Variants in POLN observed in about 807,000 individuals in gnomAD.
POLN encodes DNA polymerase nu.
A neutral mutation model predicts 113.5 loss-of-function variants in POLN; 108 were observed. The ratio of observed to expected loss-of-function variants is 0.95; its 90% confidence interval spans 0.81 to 1.12. POLN has a LOEUF of 1.12. Ranked by LOEUF, POLN falls within the 50% of genes most tolerant of loss-of-function variation. The pLI is 0.00. For synonymous variants in POLN, 386 were observed against 391.5 expected (o/e 0.99, Z 0.17); for missense variants, 1,097 against 1,077.1 (o/e 1.02, Z -0.26).
chr4:2,171,146 A>C lies in POLN; in HGVS notation c.1410T>G (p.Phe470Leu). 1.9e-6 allele frequency: 3 copies of C among 1,613,880 alleles called. No individual in the cohort carries two copies. Among genetic ancestry groups the C allele is most frequent in the Middle Eastern group, 1.7e-4 (1 of 6,060 alleles). ...TTATAAGAAACCGTTCTCCTGCAAC[A>C]AAATGAGCTTCTTGCTCCAATTCCT... ...RLKELEQEAH[F>L]VAGERFLITS... The change falls in exon 12 of 26, where the codon TTT becomes TTG. Residue 470 changes from phenylalanine (F) to leucine (L), a missense_variant. Coordinates refer to ENST00000511885, the MANE Select transcript of POLN (RefSeq NM_181808.4).
chr4:2,176,300 T>C lies in POLN; in HGVS notation c.1214A>G (p.Tyr405Cys), dbSNP rs138721851. The change falls in exon 9 of 26, where the codon TAC (tyrosine) becomes TGC (cysteine). Residue 405 changes from tyrosine (Y) to cysteine (C), a missense_variant. Coordinates refer to ENST00000511885, the MANE Select transcript of POLN (RefSeq NM_181808.4). ...QNVRENLKTL[Y>C]RLTMDLCSKL... ...AGAGCAAAGGTCCATTGTAAGTCTG[T>C]AGAGTGTCTTCAGGTTCTCACGTAC... 4 of 1,601,682 alleles carry C rather than the reference T, an allele frequency of 2.5e-6. No homozygotes were observed. The African/African-American group carries it at 4.0e-5, about 16-fold the overall frequency.
intron 7 of POLN, among the ~76,000 whole-genome samples, chr4:2,192,173 C>T (rs566110787): frequency 2.0e-5 from 3 of 150,738 alleles, no homozygotes; most frequent in Non-Finnish European, 4.4e-5. Flanking sequence ...CTGGGTGATG[C>T]CTACTTTTGT....
chr4:2,213,184 C>A, intron 3 of POLN, 58 bp from the exon 4 acceptor site: 1 of 1,086,946 alleles, frequency 9.2e-7, no homozygotes, highest in South Asian at 1.4e-5. Context: ...ATATCTAAGT[C>A]ACACAGTTAA....
chr4:2,231,336 C>T (rs1734571681), intron 2 of POLN: 2 of 152,318 alleles, frequency 1.3e-5, no homozygotes, highest in African/African-American at 4.8e-5. Flanking sequence ...CGTGGTGGCT[C>T]ATGCCTGTAA....
At chr4:2,147,373 C>T (rs751808330) in intron 16 of POLN, among the ~76,000 whole-genome samples, 3 of 152,090 alleles carry the variant, frequency 2.0e-5, no homozygotes, top group Non-Finnish European at 2.9e-5. Flanking sequence ...AGGAGGCCTT[C>T]GTAAAAAATG....
intron 4 of POLN, 33 bp downstream of exon 4, chr4:2,213,014 T>C: frequency 6.8e-7 from 1 of 1,460,342 alleles, no homozygotes. Context: ...ATAAGTTATC[T>C]ATTTAAAATT....
chr4:2,217,027 G>A (rs933517793), intron 3 of POLN, among the ~76,000 whole-genome samples: 5 of 152,218 alleles, frequency 3.3e-5, no homozygotes, highest in African/African-American at 9.6e-5. Flanking sequence ...GTGGTTTGGT[G>A]TGTCCCCATG....
At position 2,178,982 on chromosome 4, in the gene POLN, C is replaced by T. The variant is rs541374459; in HGVS notation, c.1179+326G>A. Among the ~76,000 whole-genome samples, 5 of 152,256 alleles carry T rather than the reference C, an allele frequency of 3.3e-5. No individual in the cohort carries two copies. In the East Asian group the frequency reaches 9.7e-4, roughly 29 times the overall value. ...AGTAGCCATCCCAGGACCTCTGGCA[C>T]TGTGGCCACGTCACCAGCCCTAAGG... On this transcript the variant is annotated intron_variant, in intron 8 of 25. Coordinates refer to ENST00000511885, the MANE Select transcript of POLN (RefSeq NM_181808.4).
intron 2 of POLN, chr4:2,240,688 A>T (rs772875246): frequency 1.2e-6 from 2 of 1,614,036 alleles, no homozygotes; most frequent in South Asian, 2.2e-5. Flanking sequence ...TTCAAATCAG[A>T]AGTTTTACAC....
intron 13 of POLN, among the ~76,000 whole-genome samples, chr4:2,162,046 G>A (rs1732608257): frequency 1.3e-5 from 2 of 152,180 alleles, no homozygotes; most frequent in African/African-American, 4.8e-5. Context: ...CCAATCAGCA[G>A]GATGTGGATA....
chr4:2,188,301 C>T (rs369257547), intron 7 of POLN, among the ~76,000 whole-genome samples: 12 of 152,192 alleles, frequency 7.9e-5, no homozygotes, highest in East Asian at 3.9e-4. Flanking sequence ...GTTCTTCAAT[C>T]TGAAAGAAAA....
intron 23 of POLN, chr4:2,079,085 A>G: frequency 4.5e-6 from 1 of 224,358 alleles, no homozygotes; most frequent in South Asian, 1.6e-4. Context: ...GTGCACCACC[A>G]TGGCCAGCTT....
chr4:2,240,549 T>C (rs1734944617), intron 2 of POLN: 1 of 1,613,664 alleles, frequency 6.2e-7, no homozygotes. Context: ...CCTCAGAGAT[T>C]TGTGGCTAGT....
At chr4:2,119,746 T>G (rs1731399527) in intron 19 of POLN, among the ~76,000 whole-genome samples, 1 of 152,228 alleles carries the variant, frequency 6.6e-6, no homozygotes, top group Non-Finnish European at 1.5e-5. Context: ...GCTGCTTTTT[T>G]ACCACATGCT....
intron 19 of POLN, among the ~76,000 whole-genome samples, chr4:2,107,284 A>G (rs1731087682): frequency 6.6e-6 from 1 of 152,160 alleles, no homozygotes; most frequent in Non-Finnish European, 1.5e-5. Flanking sequence ...ATCTTCACCA[A>G]ATGATGGGTT....
intron 21 of POLN, among the ~76,000 whole-genome samples, chr4:2,083,808 G>A (rs910096640): frequency 2.6e-5 from 4 of 152,402 alleles, no homozygotes; most frequent in African/African-American, 9.6e-5. Flanking sequence ...GATGCCACCT[G>A]GCATAGAAAG....
In POLN at chr4:2,175,658, C is replaced by T. The variant is rs966166703; in HGVS notation, c.1248+608G>A. On this transcript the variant is annotated intron_variant, in intron 9 of 25. Coordinates refer to ENST00000511885, the MANE Select transcript of POLN (RefSeq NM_181808.4). ...GAGAGTCCCAGGCTCCATCCTCCAA[C>T]TCTTGCCCTCATGTTCTCTCCTGCC... is the stretch of plus-strand genomic sequence containing the variant. Among the ~76,000 whole-genome samples, 11 of 152,370 alleles carry T rather than the reference C, an allele frequency of 7.2e-5. No homozygotes were observed. The East Asian group carries it at 2.1e-3, about 29-fold the overall frequency.
intron 6 of POLN, among the ~76,000 whole-genome samples, chr4:2,197,123 G>T (rs1356416464): frequency 6.6e-6 from 1 of 152,198 alleles, no homozygotes; most frequent in African/African-American, 2.4e-5. Context: ...GTGATGTGGG[G>T]TTTTCCTCAG....
chr4:2,146,535 T>C (rs75745372), intron 16 of POLN, among the ~76,000 whole-genome samples: 2 of 152,098 alleles, frequency 1.3e-5, no homozygotes, highest in Non-Finnish European at 2.9e-5. Context: ...TCAAGTAATG[T>C]TGAAGCTTTT....
Sources: allele counts gnomAD v4.1 joint callset (sites outside exome capture counted in the v4.1 genomes callset), GRCh38; gene constraint gnomAD v4.1.1; transcripts MANE v1.5; gene names NCBI Gene and HGNC (gene_info 2026-07-23, HGNC 2026-07-21).